TRAPPC9: variants seen among roughly 807,000 people sequenced by gnomAD.
TRAPPC9 encodes the protein trafficking protein particle complex subunit 9.
Under a neutral mutation model 124.0 loss-of-function variants are expected in TRAPPC9, and 83 were observed. The observed-to-expected ratio is 0.67, with a 90% CI of 0.56 to 0.80. The LOEUF is 0.80. TRAPPC9 is among the 30% of genes least tolerant of loss of function. The pLI is 0.00. For missense variants in TRAPPC9, 1,302 were observed against 1,508.3 expected, an observed-to-expected ratio of 0.86 and a Z score of 2.27; for synonymous variants, 638 against 617.5, an observed-to-expected ratio of 1.03 and a Z score of -0.49.
At chr8:139,905,561 GA>G (rs1450434238) in intron 20 of TRAPPC9, among the ~76,000 whole-genome samples, 3 of 152,240 alleles carry the variant, frequency 2.0e-5, no homozygotes, top group South Asian at 4.2e-4. Flanking sequence ...AGCAGAGAGA[GA>G]AGGTGGCCAT....
intron 18 of TRAPPC9, among the ~76,000 whole-genome samples, chr8:140,013,714 G>C (rs1481710645): frequency 6.6e-6 from 1 of 152,212 alleles, no homozygotes; most frequent in Non-Finnish European, 1.5e-5. Context: ...ACACACAACA[G>C]AAGTGCATAC....
At chr8:139,866,920 C>T (rs939043539) in intron 21 of TRAPPC9, among the ~76,000 whole-genome samples, 1 of 152,182 alleles carries the variant, frequency 6.6e-6, no homozygotes, top group Non-Finnish European at 1.5e-5. Flanking sequence ...CTGCAATCTC[C>T]ACCTCTCAGG....
chr8:140,380,743 T>C (rs1435496834), intron 7 of TRAPPC9, among the ~76,000 whole-genome samples: 1 of 149,688 alleles, frequency 6.7e-6, no homozygotes, highest in Non-Finnish European at 1.5e-5. Context: ...GTCACAGACC[T>C]AAATGCAAAA....
At chr8:140,208,926 G>T (rs944124675) in intron 17 of TRAPPC9, among the ~76,000 whole-genome samples, 37 of 152,354 alleles carry the variant, frequency 2.4e-4, no homozygotes, top group Middle Eastern at 3.4e-3. Flanking sequence ...CAGGGGTTCT[G>T]CAGGGCCAAC....
Position 139,997,632 on chromosome 8 carries a change from AG to A in TRAPPC9, c.2700-8797del, listed in dbSNP as rs1378873548. Among the ~76,000 whole-genome samples, 11 of 137,602 alleles carry A rather than the reference AG, an allele frequency of 8.0e-5. No homozygotes were observed. In the East Asian group the frequency reaches 1.3e-3, roughly 16 times the overall value. The allele number at this position is 137,602 out of a possible 152,430, so 90.3% of individuals were successfully genotyped here. A position where few individuals can be genotyped will look rare whatever the true frequency, so the allele number is the denominator to read the frequency against. On this transcript the variant is annotated intron_variant, in intron 18 of 22. Transcript: ENST00000438773. ...CACAGGGAGACAATGCATCCCACAC[AG>A]GGGAAACAATGCATCCTACACAGGG...
At chr8:140,268,790 G>A (rs1003616714) in intron 15 of TRAPPC9, among the ~76,000 whole-genome samples, 1 of 152,148 alleles carries the variant, frequency 6.6e-6, no homozygotes, top group Non-Finnish European at 1.5e-5. Flanking sequence ...CGAAGTGTAG[G>A]CAAGGCATGA....
At chr8:140,035,219 C>T (rs769783285) in intron 17 of TRAPPC9, among the ~76,000 whole-genome samples, 1 of 152,226 alleles carries the variant, frequency 6.6e-6, no homozygotes, top group Non-Finnish European at 1.5e-5. Context: ...TCCATTGGCA[C>T]TCATTTAGTT....
At chr8:139,948,924 A>C (rs1834452215) in intron 19 of TRAPPC9, among the ~76,000 whole-genome samples, 1 of 152,136 alleles carries the variant, frequency 6.6e-6, no homozygotes, top group Non-Finnish European at 1.5e-5. Flanking sequence ...TGAAAATACA[A>C]GAACTAGCTA....
intron 17 of TRAPPC9, among the ~76,000 whole-genome samples, chr8:140,074,123 C>T (rs1270203090): frequency 6.6e-6 from 1 of 152,198 alleles, no homozygotes; most frequent in Non-Finnish European, 1.5e-5. Flanking sequence ...ATTCCAAAGG[C>T]ATCGTGGGTC....
chr8:140,185,263 G>T, intron 17 of TRAPPC9, among the ~76,000 whole-genome samples: 1 of 152,208 alleles, frequency 6.6e-6, no homozygotes, highest in Non-Finnish European at 1.5e-5. Context: ...GGGGCTCTGA[G>T]TCCAGCAGGA....
chr8:139,805,437 G>T (rs1445554038), intron 21 of TRAPPC9, among the ~76,000 whole-genome samples: 5 of 152,346 alleles, frequency 3.3e-5, no homozygotes, highest in Admixed American at 3.3e-4. Context: ...CCTGCCATTT[G>T]TCAGCTGTGC....
chr8:140,315,363 C>T lies in TRAPPC9; in HGVS notation c.1496-3989G>A, dbSNP rs190535897. The stretch of plus-strand genomic sequence containing the variant: ...CACTGATGCAAGACCAGCATATGAG[C>T]CCCTGTGTCAGATTAACAAGGTCTT... On this transcript the variant is annotated intron_variant, in intron 9 of 22. Coordinates refer to ENST00000438773, the MANE Select transcript of TRAPPC9 (RefSeq NM_001160372.4). 4.6e-4 allele frequency among the ~76,000 whole-genome samples: 69 copies of T among 151,506 alleles called. No homozygotes were observed. In the East Asian group the frequency reaches 0.013, roughly 29 times the overall value.
At chr8:139,933,883 GCAA>G (rs1833354408) in intron 19 of TRAPPC9, 1 of 152,178 alleles carries the variant, frequency 6.6e-6, no homozygotes, top group African/African-American at 2.4e-5. Context: ...CTATAAAGCA[GCAA>G]CAATAATGTC....
chr8:139,766,229 G>A (rs1024345367), intron 21 of TRAPPC9, among the ~76,000 whole-genome samples: 2 of 152,192 alleles, frequency 1.3e-5, no homozygotes, highest in African/African-American at 4.8e-5. Context: ...GCGTGTCCTT[G>A]GGCGTGTCTG....
At chr8:139,887,587 C>T (rs1830096103) in intron 20 of TRAPPC9, among the ~76,000 whole-genome samples, 1 of 152,162 alleles carries the variant, frequency 6.6e-6, no homozygotes, top group Non-Finnish European at 1.5e-5. Flanking sequence ...CTCTGAATTC[C>T]AAGCCTCCCC....
intron 21 of TRAPPC9, among the ~76,000 whole-genome samples, chr8:139,829,218 T>G (rs777684765): frequency 3.3e-5 from 5 of 152,252 alleles, no homozygotes; most frequent in African/African-American, 4.8e-5. Flanking sequence ...GTATAAAGTC[T>G]TTGCTCTCTC....
chr8:139,909,810 T>G (rs949933324), intron 20 of TRAPPC9, among the ~76,000 whole-genome samples: 5 of 152,250 alleles, frequency 3.3e-5, no homozygotes, highest in Admixed American at 2.0e-4. Flanking sequence ...GCTGTCAGTC[T>G]GTGAACCCCC....
chr8:140,451,278 G>A lies in TRAPPC9; in HGVS notation c.96C>T (p.Phe32=). The A allele has an allele frequency of 1.9e-6, 3 of 1,612,318 alleles. No individual in the cohort carries two copies. Among genetic ancestry groups the A allele is most frequent in the Non-Finnish European group, 2.5e-6 (3 of 1,180,020 alleles). Residue 32 remains phenylalanine, a synonymous_variant, in exon 2 of 23, where the codon TTC becomes TTT. Coordinates refer to ENST00000438773, the MANE Select transcript of TRAPPC9 (RefSeq NM_001160372.4). ...PVGIVSEENF[F]RIYKRICSVS... is the part of the protein sequence containing the mutation. ...CAGAGCAAATCCTCTTATAGATCCTGAAGAAGTTCTCCTCGGAGACGATGC... is the reference window on the plus strand; with the variant it reads ...CAGAGCAAATCCTCTTATAGATCCTAAAGAAGTTCTCCTCGGAGACGATGC...
At position 140,252,836 on chromosome 8, in the gene TRAPPC9, T is replaced by C; in HGVS notation, c.2372A>G (p.Asn791Ser). 1 of 1,614,134 alleles carries C rather than the reference T, an allele frequency of 6.2e-7. No individual in the cohort carries two copies. Among genetic ancestry groups the C allele is most frequent in the Non-Finnish European group, 8.5e-7 (1 of 1,180,028 alleles). The change falls in exon 16 of 23, where the codon AAC (asparagine) becomes AGC (serine). Residue 791 changes from asparagine to serine, a missense_variant. By Grantham distance (46) the Asn-to-Ser change is conservative. This residue lies in a region of TRAPPC9 where 640 missense variants were observed against 679.3 expected (regional missense o/e 0.94). Transcript: ENST00000438773. This position sits in a 1 kb window ranked among gnomAD's most constrained non-coding sequence, Gnocchi z 4.2. The part of the protein sequence containing the change: ...QPGKVATFTI[N>S]IKVKLDFSCQ... ...GGAGAAATCCAGCTTCACTTTGATG[T>C]TGATTGTGAACGTGGCCACCTTCCC...
Sources: gnomAD v4.1 joint callset for allele counts (sites outside exome capture counted in the v4.1 genomes callset) on GRCh38, gnomAD v4.1.1 for gene constraint, gnomAD v4.1.1 regional missense constraint, Gnocchi (gnomAD v3.1) non-coding constraint, MANE v1.5 for transcripts, NCBI Gene and HGNC (gene_info 2026-07-23, HGNC 2026-07-21) for gene names.